LGSN: variants seen among roughly 807,000 people sequenced by gnomAD.
The protein encoded by LGSN is lengsin, lens protein with glutamine synthetase domain.
A neutral mutation model predicts 19.5 loss-of-function variants in LGSN; 21 were observed. The ratio of observed to expected loss-of-function variants is 1.07; its 90% CI spans 0.76 to 1.55. The LOEUF is 1.55. Among genes scored for constraint, LGSN ranks in the 40% most tolerant of loss-of-function variants. The pLI is 0.00. For synonymous variants in LGSN, 257 were observed against 215.6 expected, an observed-to-expected ratio of 1.19 and a Z score of -1.68; for missense variants, 673 against 608.5, an observed-to-expected ratio of 1.11 and a Z score of -1.12.
At chr6:63,502,471 G>A in the LGSN span, among the ~76,000 whole-genome samples, 1 of 151,792 alleles carries the variant, frequency 6.6e-6, no homozygotes, top group Non-Finnish European at 1.5e-5. Context: ...AAAATGGTAG[G>A]GAAAAAAATG....
chr6:63,537,864 G>A, the LGSN span, among the ~76,000 whole-genome samples: 2 of 152,160 alleles, frequency 1.3e-5, no homozygotes, highest in Non-Finnish European at 2.9e-5. Flanking sequence ...AAAGGGCCAC[G>A]GCCGTAGTGA....
At chr6:63,411,281 C>T in the LGSN span, among the ~76,000 whole-genome samples, 3 of 152,136 alleles carry the variant, frequency 2.0e-5, no homozygotes, top group African/African-American at 7.2e-5. Context: ...CTCCCAGTTA[C>T]TTTCAGTTTT....
chr6:63,353,258 A>G, the LGSN span, among the ~76,000 whole-genome samples: 2 of 152,194 alleles, frequency 1.3e-5, no homozygotes, highest in African/African-American at 4.8e-5. Context: ...CAGTCTGGCC[A>G]GAAATTGCAG....
At chr6:63,482,574 C>G in the LGSN span, among the ~76,000 whole-genome samples, 1 of 152,112 alleles carries the variant, frequency 6.6e-6, no homozygotes, top group Non-Finnish European at 1.5e-5. Context: ...ACTAAAAATA[C>G]AAAAATCAGC....
the LGSN span, among the ~76,000 whole-genome samples, chr6:63,412,567 AAAGGAAGG>A: frequency 0.014 from 1,749 of 121,076 alleles, 134 homozygotes; most frequent in African/African-American, 0.05. Flanking sequence ...AGAAAGAAAG[AAAGGAAGG>A]AAGGAAAGAA....
At chr6:63,379,207 A>T in the LGSN span, among the ~76,000 whole-genome samples, 1 of 151,152 alleles carries the variant, frequency 6.6e-6, no homozygotes, top group Non-Finnish European at 1.5e-5. Context: ...GCTCCTAGTT[A>T]TGGTGTAGCA....
the LGSN span, among the ~76,000 whole-genome samples, chr6:63,519,005 A>G: frequency 4.1e-4 from 62 of 152,280 alleles, 1 homozygote; most frequent in East Asian, 9.8e-3. Context: ...GTGCATATTC[A>G]CACTAAGTGA....
chr6:63,368,558 G>A, the LGSN span, among the ~76,000 whole-genome samples: 3 of 151,974 alleles, frequency 2.0e-5, no homozygotes, highest in East Asian at 1.9e-4. Context: ...ATTGTTTCCC[G>A]GTAACACCGT....
At chr6:63,499,560 A>G in the LGSN span, among the ~76,000 whole-genome samples, 1 of 152,022 alleles carries the variant, frequency 6.6e-6, no homozygotes, top group African/African-American at 2.4e-5. Context: ...CGCTTTTTGT[A>G]GCATTTGAAT....
chr6:63,282,111 A>T (rs1011838694), intron 3 of LGSN, among the ~76,000 whole-genome samples: 2 of 152,178 alleles, frequency 1.3e-5, no homozygotes, highest in African/African-American at 4.8e-5. Context: ...TTGGTCATTT[A>T]TTTAACTTTT....
intron 1 of LGSN, among the ~76,000 whole-genome samples, chr6:63,297,229 G>A (rs138293892): frequency 0.038 from 5,716 of 151,704 alleles, 363 homozygotes; most frequent in African/African-American, 0.13. Context: ...AATCCCAGCT[G>A]TTTGGGAGGC....
At chr6:63,443,181 G>T in the LGSN span, among the ~76,000 whole-genome samples, 1 of 152,226 alleles carries the variant, frequency 6.6e-6, no homozygotes, top group South Asian at 2.1e-4. Flanking sequence ...ACAGCTACTG[G>T]CCCGGATGCT....
At chr6:63,488,029 C>G in the LGSN span, among the ~76,000 whole-genome samples, 1 of 151,930 alleles carries the variant, frequency 6.6e-6, no homozygotes, top group Non-Finnish European at 1.5e-5. Flanking sequence ...TTTATAAACT[C>G]TTAACACTTC....
chr6:63,315,885 A>C (rs1768830323), intron 1 of LGSN, among the ~76,000 whole-genome samples: 1 of 151,926 alleles, frequency 6.6e-6, no homozygotes. Flanking sequence ...AAAAAAAAAA[A>C]AACTCCACAT....
chr6:63,481,503 C>T, the LGSN span, among the ~76,000 whole-genome samples: 2 of 135,984 alleles, frequency 1.5e-5, no homozygotes, highest in South Asian at 2.5e-4. Context: ...CCACCATGCC[C>T]GGCTAATTTT....
the LGSN span, among the ~76,000 whole-genome samples, chr6:63,348,805 G>A: frequency 6.8e-6 from 1 of 147,308 alleles, no homozygotes; most frequent in East Asian, 2.0e-4. Context: ...TGCCCGGGCT[G>A]GTCTCGAAAT....
chr6:63,425,572 A>G, the LGSN span, among the ~76,000 whole-genome samples: 3 of 152,224 alleles, frequency 2.0e-5, no homozygotes, highest in Admixed American at 6.5e-5. Context: ...GAAATGAAAA[A>G]ACTATAGAAA....
chr6:63,476,536 A>T, the LGSN span, among the ~76,000 whole-genome samples: 5 of 152,346 alleles, frequency 3.3e-5, no homozygotes, highest in South Asian at 6.2e-4. Context: ...GATGTCAAAG[A>T]TACAAGGCAG....
the LGSN span, among the ~76,000 whole-genome samples, chr6:63,496,997 G>T: frequency 6.6e-6 from 1 of 151,876 alleles, no homozygotes; most frequent in Admixed American, 6.6e-5. Flanking sequence ...ATTGAAATAT[G>T]TTTTTATTTT....
Sources: gnomAD v4.1 joint callset for allele counts (sites outside exome capture counted in the v4.1 genomes callset) on GRCh38, gnomAD v4.1.1 for gene constraint, MANE v1.5 for transcripts, NCBI Gene and HGNC (gene_info 2026-07-23, HGNC 2026-07-21) for gene names.